The following ADGRB3 variants were observed in gnomAD, a reference collection of about 807,000 sequenced individuals.
The protein encoded by ADGRB3 is adhesion G protein-coupled receptor B3, also known as brain-specific angiogenesis inhibitor 3.
ADGRB3 carries 37 observed loss-of-function variants against 193.4 expected under a neutral mutation model. That is an observed-to-expected ratio of 0.19 (90% CI 0.15 to 0.25). The LOEUF (loss-of-function observed/expected upper bound fraction) is 0.25, where lower values mean the gene tolerates loss of function less well. Among genes scored for constraint, ADGRB3 ranks in the 10% least tolerant of loss-of-function variants. ADGRB3 has a pLI of 1.00. For synonymous variants in ADGRB3, 690 were observed against 644.2 expected (o/e 1.07, Z -1.08); for missense variants, 1,637 against 1,852.9 (o/e 0.88, Z 2.14).
chr6:68,714,816 T>A (rs1355435860), intron 3 of ADGRB3, among the ~76,000 whole-genome samples: 1 of 151,824 alleles, frequency 6.6e-6, no homozygotes, highest in Non-Finnish European at 1.5e-5. Context: ...ACATCTGGAA[T>A]TCCTTTTCTT....
chr6:69,128,209 C>A (rs1199336107), intron 17 of ADGRB3, among the ~76,000 whole-genome samples: 1 of 152,130 alleles, frequency 6.6e-6, no homozygotes, highest in Non-Finnish European at 1.5e-5. Context: ...TTCACTGTCA[C>A]CTGTCTACTC....
intron 17 of ADGRB3, among the ~76,000 whole-genome samples, chr6:69,078,026 T>C (rs1373108259): frequency 6.6e-6 from 1 of 152,052 alleles, no homozygotes. Flanking sequence ...ACTATATTTA[T>C]ATATACACAA....
intron 3 of ADGRB3, among the ~76,000 whole-genome samples, chr6:68,863,160 T>G (rs2150215619): frequency 6.6e-6 from 1 of 152,246 alleles, no homozygotes; most frequent in African/African-American, 2.4e-5. Context: ...ATTCTATATG[T>G]ATGTGTAAAT....
At chr6:68,711,544 G>T (rs1282284446) in intron 3 of ADGRB3, among the ~76,000 whole-genome samples, 1 of 151,980 alleles carries the variant, frequency 6.6e-6, no homozygotes, top group Non-Finnish European at 1.5e-5. Flanking sequence ...TTGACTTTCT[G>T]CATAAATGGT....
At chr6:68,958,213 T>C (rs977320753) in intron 8 of ADGRB3, among the ~76,000 whole-genome samples, 1 of 151,488 alleles carries the variant, frequency 6.6e-6, no homozygotes, top group African/African-American at 2.4e-5. Flanking sequence ...AAAAAAAAAA[T>C]CTAAAATTAC....
chr6:68,987,056 C>T (rs1480041092), intron 10 of ADGRB3, among the ~76,000 whole-genome samples: 1 of 152,042 alleles, frequency 6.6e-6, no homozygotes, highest in East Asian at 1.9e-4. Context: ...CACTGTTGAT[C>T]TTCTCAATAG....
At chr6:68,770,741 G>C (rs1766601617) in intron 3 of ADGRB3, among the ~76,000 whole-genome samples, 1 of 152,082 alleles carries the variant, frequency 6.6e-6, no homozygotes, top group Non-Finnish European at 1.5e-5. Context: ...AGAAATTTGA[G>C]GTTTGAGGTG....
intron 13 of ADGRB3, among the ~76,000 whole-genome samples, chr6:69,029,533 T>C (rs1770557647): frequency 6.6e-6 from 1 of 152,162 alleles, no homozygotes; most frequent in Admixed American, 6.5e-5. Flanking sequence ...TAGAATTAGG[T>C]TGCAAACGTA....
chr6:69,072,727 C>T (rs1772112493), intron 16 of ADGRB3, among the ~76,000 whole-genome samples: 1 of 152,174 alleles, frequency 6.6e-6, no homozygotes, highest in Non-Finnish European at 1.5e-5. Context: ...GAAATGCATA[C>T]TCCCATACTC....
At chr6:68,677,272 T>C (rs1045532623) in intron 3 of ADGRB3, among the ~76,000 whole-genome samples, 5 of 152,182 alleles carry the variant, frequency 3.3e-5, no homozygotes, top group Admixed American at 2.0e-4. Flanking sequence ...TAGTAAAAGA[T>C]GTACTGTCCT....
chr6:68,990,491 G>A (rs1769207110), intron 10 of ADGRB3, among the ~76,000 whole-genome samples: 2 of 152,048 alleles, frequency 1.3e-5, no homozygotes, highest in Non-Finnish European at 2.9e-5. Context: ...CTAAGAGCTG[G>A]ACTGACAACA....
At chr6:68,872,444 A>G (rs1295660672) in intron 3 of ADGRB3, among the ~76,000 whole-genome samples, 2 of 152,168 alleles carry the variant, frequency 1.3e-5, no homozygotes, top group African/African-American at 2.4e-5. Context: ...GTGATTTTTA[A>G]AAAGGAAACG....
intron 3 of ADGRB3, among the ~76,000 whole-genome samples, chr6:68,886,052 A>C (rs1765898182): frequency 6.6e-6 from 1 of 152,108 alleles, no homozygotes; most frequent in African/African-American, 2.4e-5. Flanking sequence ...CCTAGAAAAC[A>C]ATTTTGTGCC....
At position 68,981,384 on chromosome 6, in the gene ADGRB3, GAAAC is replaced by G. The variant is rs1308320481; in HGVS notation, c.1734+6053_1734+6056del. ...AGCTCATATTTATTGAAGCTGATGGGAAACAAACAAACTTGGAAGGGAGGTGTTA... is the reference window on the plus strand; with the variant it reads ...AGCTCATATTTATTGAAGCTGATGGGAAACAAACTTGGAAGGGAGGTGTTA... On this transcript the variant is annotated intron_variant, in intron 10 of 31. Transcript: ENST00000370598. Among the ~76,000 whole-genome samples, 4 of 151,598 alleles carry G rather than the reference GAAAC, an allele frequency of 2.6e-5. 1 individual carries two copies. The highest frequency in any genetic ancestry group is 4.4e-5 in the Non-Finnish European group (3 of 67,752).
intron 17 of ADGRB3, among the ~76,000 whole-genome samples, chr6:69,211,101 G>A (rs910879437): frequency 6.6e-6 from 1 of 152,024 alleles, no homozygotes; most frequent in Non-Finnish European, 1.5e-5. Context: ...CAGCCTGGGC[G>A]AGAGAGAGAG....
At chr6:68,865,042 G>T (rs968718688) in intron 3 of ADGRB3, among the ~76,000 whole-genome samples, 1 of 152,044 alleles carries the variant, frequency 6.6e-6, no homozygotes, top group Admixed American at 6.5e-5. Flanking sequence ...TATACTGAAG[G>T]CTAACTCTTG....
At chr6:69,326,527 A>G (rs1407226600) in intron 21 of ADGRB3, among the ~76,000 whole-genome samples, 1 of 152,152 alleles carries the variant, frequency 6.6e-6, no homozygotes, top group Admixed American at 6.5e-5. Flanking sequence ...TTTACAGCTA[A>G]TATTAAACTA....
intron 3 of ADGRB3, among the ~76,000 whole-genome samples, chr6:68,768,355 G>A (rs897925146): frequency 1.3e-5 from 2 of 151,998 alleles, no homozygotes; most frequent in African/African-American, 4.8e-5. Flanking sequence ...CTAGACCAAG[G>A]GAACAGAAGA....
At chr6:69,232,288 C>G in intron 17 of ADGRB3, 2 of 578,754 alleles carry the variant, frequency 3.5e-6, no homozygotes, top group Non-Finnish European at 5.0e-6. Context: ...TTTTCTTTTT[C>G]TCTCTTCCTG....
Sources: allele counts gnomAD v4.1 joint callset (sites outside exome capture counted in the v4.1 genomes callset), GRCh38; gene constraint gnomAD v4.1.1; transcripts MANE v1.5; gene names NCBI Gene and HGNC (gene_info 2026-07-23, HGNC 2026-07-21).